FSD2: variants seen among roughly 807,000 people sequenced by gnomAD.
FSD2 encodes fibronectin type III and SPRY domain containing 2, also known as fibronectin type III and SPRY domain-containing protein 2.
Under a neutral mutation model 80.4 loss-of-function variants are expected in FSD2, and 71 were observed. The ratio of observed to expected loss-of-function variants is 0.88; its 90% CI spans 0.73 to 1.08. The LOEUF is 1.08. Ranked by LOEUF, FSD2 falls within the 50% of genes least tolerant of loss-of-function variation. The pLI is 0.00. For missense variants in FSD2, 923 were observed against 913.8 expected, an observed-to-expected ratio of 1.01 and a Z score of -0.13; for synonymous variants, 361 against 329.5, an observed-to-expected ratio of 1.10 and a Z score of -1.03.
rs1377236983 is a variant in FSD2 at position 82,756,923 on chromosome 15, G to A, written c.*2425C>T. The stretch of plus-strand genomic sequence containing the variant: ...TAACAGACTTATCAGCAGGTTGCAG[G>A]TGAACATGGCCTTGAGGTAAATCTG... On this transcript the variant is annotated 3_prime_UTR_variant, in exon 13 of 13. Transcript: ENST00000334574. The A allele has an allele frequency of 6.6e-6, 1 of 152,214 alleles. No homozygotes were observed. The highest frequency in any genetic ancestry group is 2.4e-5 in the African/African-American group (1 of 41,454). The allele number at this position is 152,214 out of a possible 1,614,324, so 9.4% of individuals were successfully genotyped here. A position where few individuals can be genotyped will look rare whatever the true frequency, so the allele number is the denominator to read the frequency against.
At chr15:82,782,497 C>T (rs2049890267) in intron 4 of FSD2, among the ~76,000 whole-genome samples, 3 of 152,226 alleles carry the variant, frequency 2.0e-5, no homozygotes, top group African/African-American at 4.8e-5. Flanking sequence ...GAACAGGTAT[C>T]TGGGTGACCA....
chr15:82,756,788 A>C lies in FSD2; in HGVS notation c.*2560T>G, dbSNP rs1326152736. The C allele has an allele frequency of 6.6e-6, 1 of 152,252 alleles. No homozygotes were observed. The highest frequency in any genetic ancestry group is 2.4e-5 in the African/African-American group (1 of 41,470). The allele number at this position is 152,252 out of a possible 1,614,324, so 9.4% of individuals were successfully genotyped here. A position where few individuals can be genotyped will look rare whatever the true frequency, so the allele number is the denominator to read the frequency against. ...TCAGGAGTTATAAAGTGATACAGGTAAAGCTAAGAAAAGAACAGATTTTGA... is the reference window on the plus strand; with the variant it reads ...TCAGGAGTTATAAAGTGATACAGGTCAAGCTAAGAAAAGAACAGATTTTGA... On this transcript the variant is annotated 3_prime_UTR_variant, in exon 13 of 13. Transcript: ENST00000334574.
At chr15:82,765,071 C>G in intron 11 of FSD2, 95 bp downstream of exon 11, 1 of 1,389,404 alleles carries the variant, frequency 7.2e-7, no homozygotes, top group Non-Finnish European at 9.6e-7. Context: ...CCTTTTCCCT[C>G]GAGGCTGCCT....
Position 82,755,797 on chromosome 15 carries a change from C to G in FSD2, c.*3551G>C. ...TTCTTTCCAAATAACTTTTCTCTTG[C>G]ATTTAGATTAATTAACCATTGGTTA... is the stretch of plus-strand genomic sequence containing the variant. On this transcript the variant is annotated 3_prime_UTR_variant, in exon 13 of 13. Transcript: ENST00000334574. 1 of 233,912 alleles carries G rather than the reference C, an allele frequency of 4.3e-6. No homozygotes were observed. The highest frequency in any genetic ancestry group is 5.0e-5 in the South Asian group (1 of 19,838). The allele number at this position is 233,912 out of a possible 1,614,324, so 14.5% of individuals were successfully genotyped here. A position where few individuals can be genotyped will look rare whatever the true frequency, so the allele number is the denominator to read the frequency against.
Position 82,778,158 on chromosome 15 carries a change from A to ATATATATATATATATATATATAT in FSD2, c.1111+607_1111+608insATATATATATATATATATATATA, listed in dbSNP as rs1482215584. 5.1e-4 allele frequency among the ~76,000 whole-genome samples: 66 copies of ATATATATATATATATATATATAT among 129,024 alleles called. 2 individuals carry two copies. Among genetic ancestry groups the ATATATATATATATATATATATAT allele is most frequent in the African/African-American group, 1.9e-3 (59 of 30,316 alleles). 84.6% of individuals were successfully genotyped at this position (129,024 alleles called of 152,430 possible). A position where few individuals can be genotyped will look rare whatever the true frequency, so the allele number is the denominator to read the frequency against. On this transcript the variant is annotated intron_variant, in intron 6 of 12. Transcript: ENST00000334574. Reference sequence around the variant, plus strand: ...TATATATATATATATATATATATATAATAACTATTACATGATCTAGTAATT... The same window carrying ATATATATATATATATATATATAT: ...TATATATATATATATATATATATATATATATATATATATATATATATATATAACTATTACATGATCTAGTAATT...
In FSD2 at chr15:82,759,388, T is replaced by G. The variant is rs769051141; in HGVS notation, c.2210A>C (p.His737Pro). 6 of 1,613,624 alleles carry G rather than the reference T, an allele frequency of 3.7e-6. No individual in the cohort carries two copies. The highest frequency in any genetic ancestry group is 5.1e-6 in the Non-Finnish European group (6 of 1,179,792). Residue 737 changes from histidine to proline, a missense_variant, in exon 13 of 13, where the codon CAT (histidine) becomes CCT (proline). Physicochemically the swap from His to Pro is moderately conservative, Grantham distance 77 (BLOSUM62 -2). Coordinates refer to ENST00000334574, the MANE Select transcript of FSD2 (RefSeq NM_001007122.4). ...ATGTTTTGGCATTGAAATGCCATTA[T>G]GTACCTTTAGACACCCAGGCTTTTC... ...SLEKPGCLKV[H>P]NGISMPKHVT...
intron 4 of FSD2, among the ~76,000 whole-genome samples, chr15:82,780,777 T>C (rs938560032): frequency 1.3e-5 from 2 of 151,934 alleles, no homozygotes; most frequent in Non-Finnish European, 2.9e-5. Context: ...AACATAAACA[T>C]AGAAGAAAAC....
intron 1 of FSD2, among the ~76,000 whole-genome samples, chr15:82,794,536 C>T (rs1384555734): frequency 1.3e-5 from 2 of 152,034 alleles, no homozygotes; most frequent in Admixed American, 6.6e-5. Context: ...CTTCTATTTC[C>T]TTGTTGATCT....
At chr15:82,779,664 C>CAAA (rs1165686952) in intron 5 of FSD2, among the ~76,000 whole-genome samples, 1 of 97,946 alleles carries the variant, frequency 1.0e-5, no homozygotes. Context: ...GAAACTGTCT[C>CAAA]AAAAAAAAAA....
rs2049181691 is a variant in FSD2, at chr15:82,756,545, TAAAA to T, written c.*2799_*2802del. 1.3e-5 allele frequency: 2 copies of T among 152,242 alleles called. No homozygotes were observed. The highest frequency in any genetic ancestry group is 2.1e-4 in the South Asian group (1 of 4,834). 9.4% of individuals were successfully genotyped at this position (152,242 alleles called of 1,614,324 possible). A position where few individuals can be genotyped will look rare whatever the true frequency, so the allele number is the denominator to read the frequency against. ...AATTTATTAAACACACTTTTCTAAATAAAAGTCATTTAATTTTATCAGAAATCAG... is the reference window on the plus strand; with the variant it reads ...AATTTATTAAACACACTTTTCTAAATGTCATTTAATTTTATCAGAAATCAG... On this transcript the variant is annotated 3_prime_UTR_variant, in exon 13 of 13. Coordinates refer to ENST00000334574, the MANE Select transcript of FSD2 (RefSeq NM_001007122.4).
At chr15:82,798,768 T>C (rs1050671545) in intron 1 of FSD2, among the ~76,000 whole-genome samples, 6 of 152,196 alleles carry the variant, frequency 3.9e-5, no homozygotes, top group Non-Finnish European at 8.8e-5. Context: ...TTTAACTTTC[T>C]GCAGTGATAG....
At chr15:82,785,065 A>C (rs1268952149) in intron 3 of FSD2, among the ~76,000 whole-genome samples, 1 of 152,196 alleles carries the variant, frequency 6.6e-6, no homozygotes, top group Non-Finnish European at 1.5e-5. Flanking sequence ...AGCTAGTCTT[A>C]TTCTGTGTAG....
At chr15:82,774,922 A>G (rs985370435) in intron 6 of FSD2, among the ~76,000 whole-genome samples, 1 of 150,616 alleles carries the variant, frequency 6.6e-6, no homozygotes. Flanking sequence ...GGGTTTCACC[A>G]TGTCGGCCAG....
At chr15:82,772,730 A>G (rs966878395) in intron 6 of FSD2, among the ~76,000 whole-genome samples, 1 of 152,218 alleles carries the variant, frequency 6.6e-6, no homozygotes, top group African/African-American at 2.4e-5. Context: ...TTTAGAGTCC[A>G]TCTACTAAGT....
At chr15:82,805,627 G>GATATTCAAC in intron 1 of FSD2, among the ~76,000 whole-genome samples, 1 of 152,324 alleles carries the variant, frequency 6.6e-6, no homozygotes, top group South Asian at 2.1e-4. Context: ...ATAGCCAGAT[G>GATATTCAAC]ATATTCAACA....
intron 12 of FSD2, among the ~76,000 whole-genome samples, chr15:82,760,830 T>C (rs917680175): frequency 1.3e-5 from 2 of 152,208 alleles, no homozygotes; most frequent in Non-Finnish European, 2.9e-5. Context: ...TTTGTCATTC[T>C]TCTGTTTCCA....
At position 82,772,246 on chromosome 15, in the gene FSD2, AAAAG is replaced by A; in HGVS notation, c.1112-22_1112-19del. The stretch of plus-strand genomic sequence containing the variant: ...AGAAGGAGCTAGGAAAAGAAAAGAA[AAAAG>A]AAGAGGAACCTCTAATAGAGGTGTG... On this transcript the variant is annotated intron_variant, in intron 6 of 12. Transcript: ENST00000334574. 6.3e-7 allele frequency: 1 copy of A among 1,597,800 alleles called. No homozygotes were observed. Among genetic ancestry groups the A allele is most frequent in the Non-Finnish European group, 8.5e-7 (1 of 1,172,244 alleles).
In FSD2 at chr15:82,793,290, G is replaced by A. The variant is rs1235837991; in HGVS notation, c.-78-5822C>T. On this transcript the variant is annotated intron_variant, in intron 1 of 12. Transcript: ENST00000334574. ...TAATTTTTGTATTTTTAGTAGAGAC[G>A]GGGTTTCACCATGTTGGCCAGGCTG... 4.7e-5 allele frequency among the ~76,000 whole-genome samples: 7 copies of A among 150,090 alleles called. 1 individual carries two copies. Among genetic ancestry groups the A allele is most frequent in the African/African-American group, 2.4e-5 (1 of 41,058 alleles).
Position 82,798,912 on chromosome 15 carries a change from C to T in FSD2, c.-79+7054G>A, listed in dbSNP as rs1296006577. Reference sequence around the variant, plus strand: ...TTTTTTTTTGAGACAGGGTCTTGCTCTGTTGCCCAGGTTGGAGCACAGTGG... The same window carrying T: ...TTTTTTTTTGAGACAGGGTCTTGCTTTGTTGCCCAGGTTGGAGCACAGTGG... On this transcript the variant is annotated intron_variant, in intron 1 of 12. Transcript: ENST00000334574. Among the ~76,000 whole-genome samples, 4 of 124,316 alleles carry T rather than the reference C, an allele frequency of 3.2e-5. 1 individual carries two copies. The highest frequency in any genetic ancestry group is 1.0e-4 in the Admixed American group (1 of 9,814). 81.6% of individuals were successfully genotyped at this position (124,316 alleles called of 152,430 possible).
Sources: gnomAD v4.1 joint callset for allele counts (sites outside exome capture counted in the v4.1 genomes callset) on GRCh38, gnomAD v4.1.1 for gene constraint, MANE v1.5 for transcripts, NCBI Gene and HGNC (gene_info 2026-07-23, HGNC 2026-07-21) for gene names.